The following SOS1 variants were observed in gnomAD, a reference collection of about 807,000 sequenced individuals.
SOS1 encodes the protein son of sevenless homolog 1.
In SOS1, 25 loss-of-function variants were observed where a neutral mutation model predicts 157.6. That is an observed-to-expected ratio of 0.16 (90% confidence interval 0.12 to 0.22). The LOEUF is 0.22. Among genes scored for constraint, SOS1 ranks in the 10% least tolerant of loss-of-function variants. The pLI is 1.00. For synonymous variants in SOS1, 528 were observed against 534.0 expected, an observed-to-expected ratio of 0.99 and a Z score of 0.16; for missense variants, 1,237 against 1,599.1, an observed-to-expected ratio of 0.77 and a Z score of 3.86.
chr2:38,990,524 T>C (rs1668700189), intron 20 of SOS1, among the ~76,000 whole-genome samples: 2 of 152,132 alleles, frequency 1.3e-5, no homozygotes, highest in Non-Finnish European at 2.9e-5. Context: ...TCTGACGTAA[T>C]AGAGATTAAA....
rs150033896 is a variant in SOS1 at position 39,041,930 on chromosome 2, T to C, written c.865-6430A>G. 3.7e-4 allele frequency among the ~76,000 whole-genome samples: 56 copies of C among 152,346 alleles called. No individual in the cohort carries two copies. The East Asian group carries it at 0.011, about 29-fold the overall frequency. On this transcript the variant is annotated intron_variant, in intron 6 of 22. Transcript: ENST00000402219. ...GAATTATGTGTTATGGAATGAATTT[T>C]TTTCCATTTAACCAGGTATGACCCA...
At chr2:39,072,961 C>A (rs1290370823) in intron 1 of SOS1, among the ~76,000 whole-genome samples, 2 of 152,192 alleles carry the variant, frequency 1.3e-5, no homozygotes, top group African/African-American at 4.8e-5. Context: ...TAAAAATACA[C>A]AGGCTGTTCT....
rs1399242305 is a variant in SOS1, at chr2:38,985,878, G to C, written c.3948C>G (p.His1316Gln). 1.9e-6 allele frequency: 3 copies of C among 1,613,810 alleles called. No individual in the cohort carries two copies. Among genetic ancestry groups the C allele is most frequent in the Non-Finnish European group, 2.5e-6 (3 of 1,179,864 alleles). ...PPKTYKREHT[H>Q]PSMHRDGPPL... is the part of the protein sequence containing the mutation. ...GTGGTCCATCTCTGTGCATGGATGGGTGTGTGTGCTCCCTTTTGTAAGTTT... is the reference window on the plus strand; with the variant it reads ...GTGGTCCATCTCTGTGCATGGATGGCTGTGTGTGCTCCCTTTTGTAAGTTT... Residue 1316 changes from histidine to glutamine, a missense_variant, in exon 23 of 23, where the codon CAC (histidine) becomes CAG (glutamine). By Grantham distance (24) the His-to-Gln change is conservative (BLOSUM62 0). Around this residue, in one of 15 missense-constraint regions of SOS1, gnomAD observed 306 missense variants for 322.6 expected, o/e 0.95. Transcript: ENST00000402219.
chr2:39,056,918 C>T (rs1425585366), intron 3 of SOS1, 52 bp from the exon 4 acceptor site: 1 of 1,239,548 alleles, frequency 8.1e-7, no homozygotes, highest in South Asian at 1.2e-5. Flanking sequence ...GTACATTTAA[C>T]ACACTGATTA....
In SOS1 at chr2:39,081,181, ATT is replaced by A. The variant is rs555895341; in HGVS notation, c.88-13430_88-13429del. Among the ~76,000 whole-genome samples, 164 of 152,108 alleles carry A rather than the reference ATT, an allele frequency of 1.1e-3. 1 individual carries two copies. The highest frequency in any genetic ancestry group is 3.9e-3 in the African/African-American group (160 of 41,502). On this transcript the variant is annotated intron_variant, in intron 1 of 22. Transcript: ENST00000402219. ...GTCTCAAAAACAAGAACAAAAAATA[ATT>A]TTTGTAGCTGTAATGCAAGATAGTG...
At chr2:39,028,336 A>T (rs62144356) in intron 8 of SOS1, among the ~76,000 whole-genome samples, 178 of 152,322 alleles carry the variant, frequency 1.2e-3, no homozygotes, top group Non-Finnish European at 1.6e-3. Context: ...TACAATGAAT[A>T]TAAAGAATAT....
At chr2:39,037,335 T>C (rs1040694914) in intron 6 of SOS1, among the ~76,000 whole-genome samples, 2 of 152,232 alleles carry the variant, frequency 1.3e-5, no homozygotes, top group Non-Finnish European at 2.9e-5. Context: ...AATGATCATA[T>C]GCCAAATATC....
chr2:39,109,246 C>T (rs1472219472), intron 1 of SOS1, among the ~76,000 whole-genome samples: 1 of 152,114 alleles, frequency 6.6e-6, no homozygotes, highest in Admixed American at 6.6e-5. Context: ...AATGTCACTT[C>T]CATCACTTCC....
At chr2:39,056,897 C>A in intron 3 of SOS1, 31 bp from the exon 4 acceptor site, 1 of 1,440,588 alleles carries the variant, frequency 6.9e-7, no homozygotes, top group Non-Finnish European at 9.8e-7. Context: ...CATGTTTAAA[C>A]ATCATATACT....
chr2:39,073,485 A>G (rs931270850), intron 1 of SOS1, among the ~76,000 whole-genome samples: 2 of 152,252 alleles, frequency 1.3e-5, no homozygotes, highest in African/African-American at 4.8e-5. Context: ...CAGCCTTAAT[A>G]AGAATTTTAT....
At chr2:39,036,267 G>A (rs544217488) in intron 6 of SOS1, among the ~76,000 whole-genome samples, 1 of 152,242 alleles carries the variant, frequency 6.6e-6, no homozygotes, top group African/African-American at 2.4e-5. Flanking sequence ...ATCTAGTGGA[G>A]GAGCATAGTA....
intron 1 of SOS1, 69 bp downstream of exon 1, chr2:39,120,267 C>T (rs1463152619): frequency 7.0e-7 from 1 of 1,431,142 alleles, no homozygotes; most frequent in South Asian, 1.3e-5. Flanking sequence ...CGCCCCGCCT[C>T]CCCAGCCCTT....
At position 39,038,732 on chromosome 2, in the gene SOS1, C is replaced by CAAAAAAAAAAAAAAAAAA. The variant is rs534107281; in HGVS notation, c.865-3233_865-3232insTTTTTTTTTTTTTTTTTT. 4.4e-4 allele frequency among the ~76,000 whole-genome samples: 8 copies of CAAAAAAAAAAAAAAAAAA among 18,214 alleles called. 3 individuals carry two copies. The highest frequency in any genetic ancestry group is 7.9e-4 in the Non-Finnish European group (8 of 10,064). The allele number at this position is 18,214 out of a possible 152,430, so 11.9% of individuals were successfully genotyped here. A position where few individuals can be genotyped will look rare whatever the true frequency, so the allele number is the denominator to read the frequency against. On this transcript the variant is annotated intron_variant, in intron 6 of 22. Coordinates refer to ENST00000402219, the MANE Select transcript of SOS1 (RefSeq NM_005633.4). ...CTGGCAACAAAATGAGACTCCGTCT[C>CAAAAAAAAAAAAAAAAAA]AAAAAAAAAAAAAAAAGTCGTTTCT... is the stretch of plus-strand genomic sequence containing the variant.
chr2:39,093,060 T>G (rs1672647234), intron 1 of SOS1, among the ~76,000 whole-genome samples: 1 of 152,216 alleles, frequency 6.6e-6, no homozygotes, highest in Non-Finnish European at 1.5e-5. Context: ...AATCAGTTAT[T>G]AATACTACAG....
chr2:39,043,600 G>C (rs1481289453), intron 6 of SOS1, among the ~76,000 whole-genome samples: 1 of 152,188 alleles, frequency 6.6e-6, no homozygotes, highest in East Asian at 1.9e-4. Flanking sequence ...ATTTACCACA[G>C]CTTTGGAGGC....
chr2:39,054,859 T>A, intron 4 of SOS1, 36 bp from the exon 5 acceptor site: 1 of 1,067,612 alleles, frequency 9.4e-7, no homozygotes, highest in Non-Finnish European at 1.4e-6. Flanking sequence ...TATAATAAAA[T>A]ATGAAGCTTT....
chr2:39,077,277 G>A (rs1672036531), intron 1 of SOS1, among the ~76,000 whole-genome samples: 1 of 150,628 alleles, frequency 6.6e-6, no homozygotes, highest in South Asian at 2.1e-4. Flanking sequence ...AGGAGGCGGA[G>A]GCTGCAGTGA....
intron 1 of SOS1, among the ~76,000 whole-genome samples, chr2:39,092,092 A>G (rs1316016862): frequency 2.0e-5 from 3 of 152,184 alleles, no homozygotes; most frequent in African/African-American, 7.2e-5. Context: ...TGAGTGTTCT[A>G]CTATCACTAG....
At chr2:39,083,752 T>A (rs1672284685) in intron 1 of SOS1, among the ~76,000 whole-genome samples, 1 of 152,196 alleles carries the variant, frequency 6.6e-6, no homozygotes, top group Non-Finnish European at 1.5e-5. Context: ...AATAAAAGGA[T>A]ATACATACAA....
Sources: allele counts gnomAD v4.1 joint callset (sites outside exome capture counted in the v4.1 genomes callset), GRCh38; gene constraint gnomAD v4.1.1; regional missense constraint gnomAD v4.1.1; transcripts MANE v1.5; gene names NCBI Gene and HGNC (gene_info 2026-07-23, HGNC 2026-07-21).